Variants in CCDC88A observed in about 807,000 individuals in gnomAD.
CCDC88A encodes girdin.
A neutral mutation model predicts 234.3 loss-of-function variants in CCDC88A; 54 were observed. The observed-to-expected ratio is 0.23, with a 90% CI of 0.19 to 0.29. The LOEUF (loss-of-function observed/expected upper bound fraction) is 0.29, where lower values mean the gene tolerates loss of function less well. CCDC88A is among the 10% of genes least tolerant of loss of function. The probability of loss-of-function intolerance (pLI) is 1.00; values close to 1 mark genes in which losing one functional copy is unlikely to be tolerated. For synonymous variants in CCDC88A, 753 were observed against 737.8 expected, an observed-to-expected ratio of 1.02 and a Z score of -0.33; for missense variants, 1,832 against 2,123.4, an observed-to-expected ratio of 0.86 and a Z score of 2.70.
intron 3 of CCDC88A, among the ~76,000 whole-genome samples, chr2:55,379,483 T>C (rs985017792): frequency 6.6e-6 from 1 of 152,216 alleles, no homozygotes; most frequent in African/African-American, 2.4e-5. Flanking sequence ...AAATATTTAT[T>C]GAATATCAAT....
intron 2 of CCDC88A, among the ~76,000 whole-genome samples, chr2:55,407,938 G>A (rs1011567399): frequency 2.0e-4 from 30 of 151,466 alleles, no homozygotes; most frequent in African/African-American, 6.5e-4. Context: ...GGCTGGTCTC[G>A]AACTTCTGAC....
chr2:55,370,492 T>C (rs1410757178), intron 5 of CCDC88A, among the ~76,000 whole-genome samples: 1 of 150,732 alleles, frequency 6.6e-6, no homozygotes, highest in Non-Finnish European at 1.5e-5. Flanking sequence ...AAATAAAAAA[T>C]TAGCCAGGTG....
intron 3 of CCDC88A, among the ~76,000 whole-genome samples, chr2:55,376,373 A>C (rs570403075): frequency 1.3e-5 from 2 of 152,190 alleles, no homozygotes; most frequent in Non-Finnish European, 2.9e-5. Context: ...CCTTTATTTA[A>C]CTTAATACTA....
At chr2:55,346,432 T>G (rs1669115357) in intron 9 of CCDC88A, 99 bp from the exon 10 acceptor site, 1 of 671,842 alleles carries the variant, frequency 1.5e-6, no homozygotes, top group Non-Finnish European at 2.3e-6. Context: ...TTTATTTATT[T>G]ATTTGAGATG....
In CCDC88A at chr2:55,388,933, T is replaced by G. The variant is rs757279876; in HGVS notation, c.165-47A>C. ...TTTAAAATTACATAAAATACTACTA[T>G]CAATCTATATATAATTAAAATTAAT... On this transcript the variant is annotated intron_variant, in intron 2 of 32. Coordinates refer to ENST00000436346, the MANE Select transcript of CCDC88A (RefSeq NM_001365480.1). 6 of 617,160 alleles carry G rather than the reference T, an allele frequency of 9.7e-6. No individual in the cohort carries two copies. In the African/African-American group the frequency reaches 9.8e-5, roughly 10 times the overall value. The allele number at this position is 617,160 out of a possible 1,614,324, so 38.2% of individuals were successfully genotyped here.
chr2:55,324,422 A>G (rs1157852140), intron 17 of CCDC88A: 2 of 152,192 alleles, frequency 1.3e-5, no homozygotes, highest in African/African-American at 4.8e-5. Context: ...AATTCTGCTT[A>G]TACTAAAATT....
At chr2:55,397,263 T>G (rs1378109882) in intron 2 of CCDC88A, 1 of 151,912 alleles carries the variant, frequency 6.6e-6, no homozygotes, top group Non-Finnish European at 1.5e-5. Context: ...CCTGACTAAT[T>G]TTTGTATTTT....
intron 2 of CCDC88A, among the ~76,000 whole-genome samples, chr2:55,399,002 G>A (rs956657206): frequency 2.0e-5 from 3 of 152,216 alleles, no homozygotes; most frequent in Non-Finnish European, 4.4e-5. Context: ...TGGCTTTGCA[G>A]TAAATATTAT....
At chr2:55,394,558 A>C (rs1053416135) in intron 2 of CCDC88A, 1 of 149,138 alleles carries the variant, frequency 6.7e-6, no homozygotes, top group African/African-American at 2.5e-5. Flanking sequence ...ACAGTGTAAA[A>C]GTGTTCCTAT....
intron 3 of CCDC88A, among the ~76,000 whole-genome samples, chr2:55,384,522 TA>T (rs1675142616): frequency 1.0e-4 from 1 of 10,006 alleles, no homozygotes; most frequent in Non-Finnish European, 2.1e-4. Context: ...ATATAAATTA[TA>T]TATATATACA....
chr2:55,299,180 G>A (rs770048679), intron 29 of CCDC88A, among the ~76,000 whole-genome samples: 15 of 152,132 alleles, frequency 9.9e-5, no homozygotes, highest in Non-Finnish European at 2.1e-4. Flanking sequence ...CTCCAGCCTG[G>A]GCGACAGAGT....
chr2:55,389,170 T>C (rs1196676522), intron 2 of CCDC88A, among the ~76,000 whole-genome samples: 1 of 152,342 alleles, frequency 6.6e-6, no homozygotes, highest in African/African-American at 2.4e-5. Context: ...CTGGGATGAA[T>C]AACTTACTAT....
At chr2:55,408,774 T>G in intron 2 of CCDC88A, among the ~76,000 whole-genome samples, 1 of 152,132 alleles carries the variant, frequency 6.6e-6, no homozygotes, top group East Asian at 1.9e-4. Flanking sequence ...TTTCACTTTA[T>G]AGACTTGCCC....
chr2:55,288,910 A>G lies in CCDC88A; in HGVS notation c.*2290T>C, dbSNP rs769418059. The G allele has an allele frequency of 3.9e-5, 6 of 152,206 alleles. No homozygotes were observed. The highest frequency in any genetic ancestry group is 8.8e-5 in the Non-Finnish European group (6 of 68,020). The allele number at this position is 152,206 out of a possible 1,614,324, so 9.4% of individuals were successfully genotyped here. On this transcript the variant is annotated 3_prime_UTR_variant, in exon 33 of 33. Coordinates refer to ENST00000436346, the MANE Select transcript of CCDC88A (RefSeq NM_001365480.1). ...TCCTACAAAGTTTGCTTCTCAAGGT[A>G]TACTGGAGAAAGTAAAATATTCATG...
Position 55,288,599 on chromosome 2 carries a change from A to G in CCDC88A, c.*2601T>C, listed in dbSNP as rs1283508194. ...GCATGCCTTGCATGAAAGGTGCTAC[A>G]TACAAACCTGTTTTGTGAACTCTTT... On this transcript the variant is annotated 3_prime_UTR_variant, in exon 33 of 33. Transcript: ENST00000436346. 1.3e-5 allele frequency: 2 copies of G among 152,656 alleles called. No homozygotes were observed. Among genetic ancestry groups the G allele is most frequent in the Non-Finnish European group, 2.9e-5 (2 of 68,034 alleles). 9.5% of individuals were successfully genotyped at this position (152,656 alleles called of 1,614,324 possible). A position where few individuals can be genotyped will look rare whatever the true frequency, so the allele number is the denominator to read the frequency against.
chr2:55,301,068 T>C (rs1369379251), intron 28 of CCDC88A, 138 bp downstream of exon 28: 4 of 612,010 alleles, frequency 6.5e-6, no homozygotes. Context: ...TTTGAAGAAA[T>C]GGTAGAGGTA....
At chr2:55,295,520 A>G in intron 31 of CCDC88A, 77 bp downstream of exon 31, 1 of 1,612,782 alleles carries the variant, frequency 6.2e-7, no homozygotes, top group Non-Finnish European at 8.5e-7. Flanking sequence ...TAGCTAAATC[A>G]TTTTGGGCAC....
At chr2:55,391,135 G>A (rs1368443439) in intron 2 of CCDC88A, among the ~76,000 whole-genome samples, 1 of 152,200 alleles carries the variant, frequency 6.6e-6, no homozygotes, top group Non-Finnish European at 1.5e-5. Flanking sequence ...TTTGAGTTCT[G>A]ACAAGTAGAG....
Position 55,309,002 on chromosome 2 carries a change from T to A in CCDC88A, c.4194A>T (p.Leu1398=). Residue 1398 remains leucine, a synonymous_variant, in exon 25 of 33, where the codon CTA becomes CTT. Coordinates refer to ENST00000436346, the MANE Select transcript of CCDC88A (RefSeq NM_001365480.1). This position sits in a 1 kb window ranked among gnomAD's most constrained non-coding sequence, Gnocchi z 5.1. ...PPRRRGNWIT[L]KMRKLIKSKK... is the part of the protein sequence containing the mutation. ...TAGACTTTATCAATTTTCTCATTTTTAGAGTAATCCAGTTGCCTCTCCTAA... is the reference window on the plus strand; with the variant it reads ...TAGACTTTATCAATTTTCTCATTTTAAGAGTAATCCAGTTGCCTCTCCTAA... 1 of 1,613,654 alleles carries A rather than the reference T, an allele frequency of 6.2e-7. No homozygotes were observed.
Sources: allele counts gnomAD v4.1 joint callset (sites outside exome capture counted in the v4.1 genomes callset), GRCh38; gene constraint gnomAD v4.1.1; non-coding constraint Gnocchi (gnomAD v3.1); transcripts MANE v1.5; gene names NCBI Gene and HGNC (gene_info 2026-07-23, HGNC 2026-07-21).